FBXO36: variants seen among roughly 807,000 people sequenced by gnomAD.
The protein encoded by FBXO36 is F-box only protein 36.
A neutral mutation model predicts 17.0 loss-of-function variants in FBXO36; 18 were observed. The observed-to-expected ratio is 1.06, with a 90% CI of 0.73 to 1.57. The LOEUF is 1.57. Among genes scored for constraint, FBXO36 ranks in the 40% most tolerant of loss-of-function variants. The pLI is 0.00. For synonymous variants in FBXO36, 83 were observed against 85.3 expected (o/e 0.97, Z 0.15); for missense variants, 229 against 221.9 (o/e 1.03, Z -0.20).
chr2:229,923,469 T>C (rs959680877), intron 1 of FBXO36, among the ~76,000 whole-genome samples: 1 of 152,228 alleles, frequency 6.6e-6, no homozygotes, highest in Non-Finnish European at 1.5e-5. Flanking sequence ...ATACTATTCC[T>C]ATAAAATGAA....
rs756986680 is a variant in FBXO36 at position 229,922,659 on chromosome 2, G to A, written c.96+50G>A. 3 of 1,590,458 alleles carry A rather than the reference G, an allele frequency of 1.9e-6. No individual in the cohort carries two copies. In the African/African-American group the frequency reaches 4.0e-5, roughly 21 times the overall value. Reference sequence around the variant, plus strand: ...TCTCTCCTAACTCCCTACCTGGCCCGGTTGGGGCCCGGGACGCAGGCTGTG... The same window carrying A: ...TCTCTCCTAACTCCCTACCTGGCCCAGTTGGGGCCCGGGACGCAGGCTGTG... On this transcript the variant is annotated intron_variant, in intron 1 of 3. Coordinates refer to ENST00000283946, the MANE Select transcript of FBXO36 (RefSeq NM_174899.5).
chr2:229,944,386 A>T (rs2077015277), intron 1 of FBXO36, among the ~76,000 whole-genome samples: 2 of 152,322 alleles, frequency 1.3e-5, no homozygotes, highest in Admixed American at 1.3e-4. Context: ...TTCATTTATG[A>T]CTTTACAGTT....
At chr2:229,949,143 T>TC (rs1166267484) in intron 1 of FBXO36, among the ~76,000 whole-genome samples, 1 of 152,112 alleles carries the variant, frequency 6.6e-6, no homozygotes, top group East Asian at 1.9e-4. Context: ...TCAGGATGCC[T>TC]CTTTTTTTTA....
At chr2:229,976,398 G>A in intron 2 of FBXO36, 49 bp downstream of exon 2, 1 of 1,290,164 alleles carries the variant, frequency 7.8e-7, no homozygotes, top group Non-Finnish European at 1.1e-6. Flanking sequence ...TCATTAGTTA[G>A]TGGTAGATTT....
At chr2:229,982,656 A>G (rs1276469558) in intron 2 of FBXO36, among the ~76,000 whole-genome samples, 2 of 151,672 alleles carry the variant, frequency 1.3e-5, no homozygotes, top group African/African-American at 4.8e-5. Context: ...AAAATACAAA[A>G]TTTAGCCAGG....
chr2:229,922,666 G>C, intron 1 of FBXO36, 57 bp downstream of exon 1: 1 of 1,568,400 alleles, frequency 6.4e-7, no homozygotes, highest in Non-Finnish European at 8.7e-7. Context: ...CCCGGTTGGG[G>C]CCCGGGACGC....
chr2:230,007,393 G>T (rs2077392724), intron 3 of FBXO36, among the ~76,000 whole-genome samples: 2 of 152,132 alleles, frequency 1.3e-5, no homozygotes, highest in South Asian at 4.1e-4. Context: ...TGGAGAGAGA[G>T]ATTTTTTCCT....
At chr2:229,924,218 G>A (rs1298372169) in intron 1 of FBXO36, among the ~76,000 whole-genome samples, 2 of 151,964 alleles carry the variant, frequency 1.3e-5, no homozygotes, top group African/African-American at 2.4e-5. Context: ...TCAGCCCCCC[G>A]AGTAACTGGG....
intron 2 of FBXO36, among the ~76,000 whole-genome samples, chr2:229,993,569 G>A (rs987594352): frequency 9.2e-5 from 14 of 152,136 alleles, no homozygotes; most frequent in Non-Finnish European, 1.6e-4. Flanking sequence ...AATCCAACAG[G>A]CAGGCGGTGA....
At chr2:229,934,009 A>G (rs2076951992) in intron 1 of FBXO36, among the ~76,000 whole-genome samples, 1 of 152,122 alleles carries the variant, frequency 6.6e-6, no homozygotes, top group South Asian at 2.1e-4. Context: ...AAATACACAA[A>G]CATTAAAAAA....
At chr2:229,975,695 A>G (rs1304476396) in intron 1 of FBXO36, among the ~76,000 whole-genome samples, 1 of 151,882 alleles carries the variant, frequency 6.6e-6, no homozygotes, top group Non-Finnish European at 1.5e-5. Context: ...AAGCTGATCT[A>G]GAACTCCCAG....
At chr2:229,925,217 T>C (rs1042362609) in intron 1 of FBXO36, among the ~76,000 whole-genome samples, 33 of 152,276 alleles carry the variant, frequency 2.2e-4, no homozygotes, top group African/African-American at 7.9e-4. Flanking sequence ...TTTTCTTTTT[T>C]AAGCATGCTG....
chr2:229,954,233 G>GTTTTTTTTTTTT (rs1283205428), intron 1 of FBXO36, among the ~76,000 whole-genome samples: 6 of 33,140 alleles, frequency 1.8e-4, no homozygotes, highest in Non-Finnish European at 2.1e-4. Context: ...AAACCCTTTG[G>GTTTTTTTTTTTT]ATTTTTTTTT....
chr2:229,992,956 G>C (rs921877984), intron 2 of FBXO36, among the ~76,000 whole-genome samples: 1 of 152,148 alleles, frequency 6.6e-6, no homozygotes, highest in African/African-American at 2.4e-5. Flanking sequence ...GCTGCTAAGT[G>C]AGGACTAAAC....
intron 2 of FBXO36, among the ~76,000 whole-genome samples, chr2:229,988,367 G>A (rs752150901): frequency 6.6e-6 from 1 of 152,080 alleles, no homozygotes; most frequent in Non-Finnish European, 1.5e-5. Context: ...GTTTCTTTCT[G>A]CAGATATAAA....
rs943801282 is a variant in FBXO36 at position 230,012,754 on chromosome 2, T to C, written c.*1870T>C. 6.6e-6 allele frequency: 1 copy of C among 151,768 alleles called. No individual in the cohort carries two copies. Among genetic ancestry groups the C allele is most frequent in the South Asian group, 2.1e-4 (1 of 4,832 alleles). The allele number at this position is 151,768 out of a possible 1,614,324, so 9.4% of individuals were successfully genotyped here. A position where few individuals can be genotyped will look rare whatever the true frequency, so the allele number is the denominator to read the frequency against. ...ACAACCACAATTACGTATGTCAACA[T>C]AACTTCATAAATATGTAACTGTAAC... On this transcript the variant is annotated 3_prime_UTR_variant, in exon 4 of 4. Coordinates refer to ENST00000283946, the MANE Select transcript of FBXO36 (RefSeq NM_174899.5).
At chr2:229,980,568 T>C (rs1352702587) in intron 2 of FBXO36, among the ~76,000 whole-genome samples, 1 of 151,906 alleles carries the variant, frequency 6.6e-6, no homozygotes, top group Non-Finnish European at 1.5e-5. Flanking sequence ...TCTTGCCTGC[T>C]CCAGGCACCT....
At chr2:229,990,797 A>G (rs2077293982) in intron 2 of FBXO36, among the ~76,000 whole-genome samples, 1 of 152,152 alleles carries the variant, frequency 6.6e-6, no homozygotes, top group Non-Finnish European at 1.5e-5. Flanking sequence ...TACCATATGG[A>G]TTGGTATATA....
chr2:229,990,098 C>T (rs984287231), intron 2 of FBXO36, among the ~76,000 whole-genome samples: 14 of 151,862 alleles, frequency 9.2e-5, no homozygotes, highest in Non-Finnish European at 1.5e-4. Context: ...TTCTGTTCCT[C>T]ATTTCCTAGT....
Sources: allele counts gnomAD v4.1 joint callset (sites outside exome capture counted in the v4.1 genomes callset), GRCh38; gene constraint gnomAD v4.1.1; transcripts MANE v1.5; gene names NCBI Gene and HGNC (gene_info 2026-07-23, HGNC 2026-07-21).